MYO9B: variants seen among roughly 807,000 people sequenced by gnomAD.
The protein encoded by MYO9B is unconventional myosin-IXb.
In MYO9B, 71 loss-of-function variants were observed where a neutral mutation model predicts 229.5. That is an observed-to-expected ratio of 0.31 (90% CI 0.26 to 0.38). MYO9B has a LOEUF of 0.38. Among genes scored for constraint, MYO9B ranks in the 10% least tolerant of loss-of-function variants. The pLI is 1.00. For missense variants in MYO9B, 2,255 were observed against 2,920.5 expected, an observed-to-expected ratio of 0.77 and a Z score of 5.25; for synonymous variants, 1,185 against 1,235.8, an observed-to-expected ratio of 0.96 and a Z score of 0.86.
chr19:17,127,197 AGAG>A (rs1217029717), intron 2 of MYO9B, among the ~76,000 whole-genome samples: 3 of 147,044 alleles, frequency 2.0e-5, no homozygotes, highest in Non-Finnish European at 3.0e-5. Flanking sequence ...GTAGTTTGGT[AGAG>A]ATGGGGTTTC....
At position 17,163,017 on chromosome 19, in the gene MYO9B, C is replaced by T. The variant is rs759342261; in HGVS notation, c.1566C>T (p.Phe522=). 35 of 1,609,528 alleles carry T rather than the reference C, an allele frequency of 2.2e-5. No individual in the cohort carries two copies. The highest frequency in any genetic ancestry group is 2.6e-5 in the Non-Finnish European group (31 of 1,178,088). The change falls in exon 10 of 40, where the codon TTC becomes TTT. Residue 522 remains phenylalanine, a synonymous_variant. Transcript: ENST00000682292. ...TGTCCATTGGGGTCCTGGACATCTT[C>T]GGGTTTGAAGACTTCGAGAGGAACA... is the stretch of plus-strand genomic sequence containing the variant. ...SCLSIGVLDI[F]GFEDFERNSF...
intron 15 of MYO9B, among the ~76,000 whole-genome samples, chr19:17,181,869 G>A (rs1050840215): frequency 4.0e-5 from 6 of 151,752 alleles, no homozygotes; most frequent in African/African-American, 1.2e-4. Context: ...TCTGCCTCCC[G>A]GGTTCAAGCG....
In MYO9B at chr19:17,210,767, TGGA is replaced by T. The variant is rs746082400; in HGVS notation, c.5858_5860del (p.Glu1953del). 2 of 1,574,476 alleles carry T rather than the reference TGGA, an allele frequency of 1.3e-6. No individual in the cohort carries two copies. Among genetic ancestry groups the T allele is most frequent in the South Asian group, 1.2e-5 (1 of 85,782 alleles). ...CAGGAGGAGGAGCTGGAGGTGCTGC[TGGA>T]GGAGGAGGCAGCCGGCGGCGATGAG... is the stretch of plus-strand genomic sequence containing the variant. On this transcript the variant is annotated inframe_deletion, in exon 38 of 40. Coordinates refer to ENST00000682292, the MANE Select transcript of MYO9B (RefSeq NM_004145.4).
chr19:17,150,537 G>A (rs146314818), intron 3 of MYO9B, among the ~76,000 whole-genome samples: 224 of 152,274 alleles, frequency 1.5e-3, no homozygotes, highest in African/African-American at 5.1e-3. Flanking sequence ...AACAGGATGG[G>A]CTCAGATGAG....
At chr19:17,076,334 A>C (rs1229619051) in intron 1 of MYO9B, among the ~76,000 whole-genome samples, 1 of 151,646 alleles carries the variant, frequency 6.6e-6, no homozygotes, top group Non-Finnish European at 1.5e-5. Context: ...AGGGTGTCTG[A>C]GAAGAGGGCG....
intron 1 of MYO9B, among the ~76,000 whole-genome samples, chr19:17,088,467 G>A (rs1432625241): frequency 6.6e-6 from 1 of 152,162 alleles, no homozygotes; most frequent in African/African-American, 2.4e-5. Context: ...TTGCCCTGCG[G>A]ACGCTGTTTC....
chr19:17,171,181 C>A (rs2145355780), intron 11 of MYO9B, among the ~76,000 whole-genome samples: 1 of 152,290 alleles, frequency 6.6e-6, no homozygotes, highest in African/African-American at 2.4e-5. Flanking sequence ...TAACGCGGAG[C>A]CCCCGATGTT....
At chr19:17,090,773 C>A (rs1287902005) in intron 1 of MYO9B, among the ~76,000 whole-genome samples, 1 of 152,118 alleles carries the variant, frequency 6.6e-6, no homozygotes, top group Non-Finnish European at 1.5e-5. Context: ...AGGAAGGAAA[C>A]ACGTTTTCAG....
At chr19:17,165,116 C>G (rs1017732463) in intron 10 of MYO9B, among the ~76,000 whole-genome samples, 3 of 152,110 alleles carry the variant, frequency 2.0e-5, no homozygotes, top group African/African-American at 7.2e-5. Flanking sequence ...GTGATCCTCC[C>G]ACGTTGGCCT....
rs2145035668 is a variant in MYO9B, at chr19:17,102,814, G to A, written c.840+257G>A. ...CCCAGCTGCTCAGGAGGCTGAGGCAGGAGGATCACTTGAGCCCAGGAGTTC... is the reference window on the plus strand; with the variant it reads ...CCCAGCTGCTCAGGAGGCTGAGGCAAGAGGATCACTTGAGCCCAGGAGTTC... On this transcript the variant is annotated intron_variant, in intron 2 of 39. Transcript: ENST00000682292. Among the ~76,000 whole-genome samples, 1 of 152,010 alleles carries A rather than the reference G, an allele frequency of 6.6e-6. No homozygotes were observed. Among genetic ancestry groups the A allele is most frequent in the African/African-American group, 2.4e-5 (1 of 41,474 alleles).
In MYO9B at chr19:17,212,353, G is replaced by A. The variant is rs139461409; in HGVS notation, c.*43G>A. The A allele has an allele frequency of 8.4e-6, 12 of 1,427,156 alleles. No homozygotes were observed. The East Asian group carries it at 2.9e-4, about 34-fold the overall frequency. 88.4% of individuals were successfully genotyped at this position (1,427,156 alleles called of 1,614,324 possible). On this transcript the variant is annotated 3_prime_UTR_variant, in exon 40 of 40. Transcript: ENST00000682292. The surrounding 1 kb of genome is among the most constrained non-coding windows in gnomAD (Gnocchi z 5.4). ...GTCTGCATGTCCGAGGACGGCCCCT[G>A]CACTGGAGCTGGGCGCCAGAGCTGC...
rs775898579 is a variant in MYO9B, at chr19:17,172,860, C to T, written c.2037C>T (p.Pro679=). The T allele has an allele frequency of 2.2e-5, 36 of 1,608,846 alleles. No homozygotes were observed. Among genetic ancestry groups the T allele is most frequent in the African/African-American group, 8.0e-5 (6 of 74,896 alleles). Residue 679 remains proline (P), a synonymous_variant, in exon 13 of 40, where the codon CCC becomes CCT. Coordinates refer to ENST00000682292, the MANE Select transcript of MYO9B (RefSeq NM_004145.4). The surrounding 1 kb of genome is among the most constrained non-coding windows in gnomAD (Gnocchi z 8.2). ...TGCGGGAGCTCATCGGCATGGACCCCGTGGCCGTGTTCCGCTGGGCCGTGC... is the reference window on the plus strand; with the variant it reads ...TGCGGGAGCTCATCGGCATGGACCCTGTGGCCGTGTTCCGCTGGGCCGTGC... The part of the protein sequence containing the change: ...SYVRELIGMD[P]VAVFRWAVLR...
chr19:17,210,831 G>C lies in MYO9B; in HGVS notation c.5913G>C (p.Gln1971His), dbSNP rs770112443. The C allele has an allele frequency of 9.6e-5, 153 of 1,599,140 alleles. No homozygotes were observed. The highest frequency in any genetic ancestry group is 1.3e-4 in the Non-Finnish European group (147 of 1,173,360). The change falls in exon 38 of 40, where the codon CAG (glutamine) becomes CAC (histidine). Residue 1971 changes from glutamine to histidine, a missense_variant. Coordinates refer to ENST00000682292, the MANE Select transcript of MYO9B (RefSeq NM_004145.4). ...REKEILIERI[Q>H]SIKEEKEDIT... ...AGGAGATTCTCATTGAACGGATCCA[G>C]TCCATCAAGGAGGAGAAGCAAGTGG...
chr19:17,183,655 C>A, intron 15 of MYO9B, 174 bp from the exon 16 acceptor site: 1 of 597,022 alleles, frequency 1.7e-6, no homozygotes, highest in South Asian at 2.1e-5. Context: ...CTGAGGCACG[C>A]CACGGTGTGC....
intron 1 of MYO9B, among the ~76,000 whole-genome samples, chr19:17,098,897 A>G (rs558803619): frequency 3.7e-4 from 55 of 149,506 alleles, no homozygotes; most frequent in East Asian, 2.2e-3. Flanking sequence ...GATCATGCCA[A>G]TGCACCCCAG....
intron 2 of MYO9B, among the ~76,000 whole-genome samples, chr19:17,110,021 C>G (rs192034405): frequency 2.2e-4 from 34 of 152,198 alleles, no homozygotes; most frequent in Non-Finnish European, 3.4e-4. Context: ...CCCAGCCCCC[C>G]GTTCAGGCTG....
chr19:17,157,587 C>G (rs79810552), intron 7 of MYO9B: 2 of 159,462 alleles, frequency 1.3e-5, no homozygotes, highest in Non-Finnish European at 2.7e-5. Context: ...CAAAAAAAAA[C>G]TACAGCTTGG....
Position 17,185,911 on chromosome 19 carries a change from C to G in MYO9B, c.2497-10C>G. On this transcript the variant is annotated splice_polypyrimidine_tract_variant and intron_variant, in intron 17 of 39. Transcript: ENST00000682292. ...GATTCAACCCAAATGCTTTCTCTTT[C>G]CCTTAACAGACATCCCTTAACAAGC... is the stretch of plus-strand genomic sequence containing the variant. 2 of 1,612,566 alleles carry G rather than the reference C, an allele frequency of 1.2e-6. No homozygotes were observed. The highest frequency in any genetic ancestry group is 1.7e-6 in the Non-Finnish European group (2 of 1,178,616).
At position 17,195,291 on chromosome 19, in the gene MYO9B, C is replaced by T. The variant is rs377607316; in HGVS notation, c.3864C>T (p.Pro1288=). The change falls in exon 22 of 40, where the codon CCC becomes CCT. Residue 1288 remains proline, a synonymous_variant. Coordinates refer to ENST00000682292, the MANE Select transcript of MYO9B (RefSeq NM_004145.4). The surrounding 1 kb of genome is among the most constrained non-coding windows in gnomAD (Gnocchi z 4.5). ...GCAGCCCAAGGGTTCAGGAAAAGCC[C>T]GACAGCCCCGGAGGCTCCACGCAGA... The part of the protein sequence containing the change: ...PCGSPRVQEK[P]DSPGGSTQIQ... The T allele has an allele frequency of 1.7e-4, 269 of 1,612,536 alleles. No individual in the cohort carries two copies. The African/African-American group carries it at 3.1e-3, about 19-fold the overall frequency.
Sources: gnomAD v4.1 joint callset for allele counts (sites outside exome capture counted in the v4.1 genomes callset) on GRCh38, gnomAD v4.1.1 for gene constraint, Gnocchi (gnomAD v3.1) non-coding constraint, MANE v1.5 for transcripts, NCBI Gene and HGNC (gene_info 2026-07-23, HGNC 2026-07-21) for gene names.